Variants in ZAN observed in about 807,000 individuals in gnomAD.
ZAN encodes the protein zonadhesin.
A neutral mutation model predicts 286.2 loss-of-function variants in ZAN; 260 were observed. That is an observed-to-expected ratio of 0.91 (90% CI 0.82 to 1.01). The LOEUF (loss-of-function observed/expected upper bound fraction) is 1.01, where lower values mean the gene tolerates loss of function less well. ZAN is among the 50% of genes least tolerant of loss of function. ZAN has a pLI of 0.00. For synonymous variants in ZAN, 1,368 were observed against 1,417.5 expected (o/e 0.97, Z 0.79); for missense variants, 3,410 against 3,639.2 (o/e 0.94, Z 1.62).
chr7:100,760,611 C>G (rs1156922778), intron 19 of ZAN, 75 bp downstream of exon 19: 1 of 1,554,190 alleles, frequency 6.4e-7, no homozygotes, highest in Non-Finnish European at 8.7e-7. Flanking sequence ...TTCCTGCTGC[C>G]CACCCTGCCC....
At chr7:100,751,611 T>C in intron 13 of ZAN, 101 bp from the exon 14 acceptor site, 1 of 1,316,444 alleles carries the variant, frequency 7.6e-7, no homozygotes, top group East Asian at 2.5e-5. Flanking sequence ...AAGAGAGGTG[T>C]GAATAAGCCA....
rs1311562076 is a variant in ZAN, at chr7:100,765,348, C to T, written c.4268-4C>T. Reference sequence around the variant, plus strand: ...CTTCTCACCCAAGCTTCTCCCTCCACCAGCAATGGCCTGCCCGCCCAACAG... The same window carrying T: ...CTTCTCACCCAAGCTTCTCCCTCCATCAGCAATGGCCTGCCCGCCCAACAG... On this transcript the variant is annotated splice_polypyrimidine_tract_variant and splice_region_variant and intron_variant, in intron 22 of 47. Transcript: ENST00000613979. The T allele has an allele frequency of 2.5e-6, 4 of 1,613,630 alleles. No homozygotes were observed. The highest frequency in any genetic ancestry group is 2.2e-5 in the South Asian group (2 of 90,956).
rs2115928836 is a variant in ZAN at position 100,758,522 on chromosome 7, C to T, written c.3452-9C>T. ...AAGCAGCTTCGCCTGTTCTCCTTCC[C>T]CCTCCCAGCAGGCACTGCCACCTGC... On this transcript the variant is annotated splice_polypyrimidine_tract_variant and intron_variant, in intron 16 of 47. Coordinates refer to ENST00000613979, the MANE Select transcript of ZAN (RefSeq NM_003386.3). 6.4e-7 allele frequency: 1 copy of T among 1,555,972 alleles called. No homozygotes were observed.
chr7:100,748,462 C>G lies in ZAN; in HGVS notation c.1241C>G (p.Pro414Arg), dbSNP rs1490512798. The G allele has an allele frequency of 6.2e-7, 1 of 1,611,476 alleles. No individual in the cohort carries two copies. Among genetic ancestry groups the G allele is most frequent in the East Asian group, 2.2e-5 (1 of 44,822 alleles). ...GGCATGGGCCCTGCGGGAGGTTTCCCTAATGCAGGTGAGGAGATTGAGGAG... is the reference window on the plus strand; with the variant it reads ...GGCATGGGCCCTGCGGGAGGTTTCCGTAATGCAGGTGAGGAGATTGAGGAG... Reference protein sequence around the residue: ...VHGMGPAGGFPNAGGHYIYLE... With the variant: ...VHGMGPAGGFRNAGGHYIYLE... The change falls in exon 11 of 48, where the codon CCT becomes CGT. Residue 414 changes from proline to arginine, a missense_variant. Transcript: ENST00000613979.
rs867001826 is a variant in ZAN at position 100,773,586 on chromosome 7, C to T, written c.5634+93C>T. ...GGAGAGGCAGGAGGAAGGCTCAGAACCTGGGAGGGGCAGGGCTGGCCAAGG... is the reference window on the plus strand; with the variant it reads ...GGAGAGGCAGGAGGAAGGCTCAGAATCTGGGAGGGGCAGGGCTGGCCAAGG... On this transcript the variant is annotated intron_variant, in intron 30 of 47. Coordinates refer to ENST00000613979, the MANE Select transcript of ZAN (RefSeq NM_003386.3). 21 of 1,553,202 alleles carry T rather than the reference C, an allele frequency of 1.4e-5. No individual in the cohort carries two copies. In the Middle Eastern group the frequency reaches 2.0e-3, roughly 151 times the overall value.
At chr7:100,790,092 C>T (rs1267145064) in intron 39 of ZAN, among the ~76,000 whole-genome samples, 2 of 151,562 alleles carry the variant, frequency 1.3e-5, no homozygotes, top group Non-Finnish European at 2.9e-5. Context: ...GATCCCATCT[C>T]TATAAAAAAT....
rs141284150 is a variant in ZAN at position 100,796,565 on chromosome 7, G to A, written c.8267-801G>A. On this transcript the variant is annotated intron_variant, in intron 45 of 47. Coordinates refer to ENST00000613979, the MANE Select transcript of ZAN (RefSeq NM_003386.3). ...CTGAGTAGCTGGGATTACAGGCGCC[G>A]GCCACCACGCCCGGCTATTTTTGTA... 5.3e-3 allele frequency among the ~76,000 whole-genome samples: 810 copies of A among 151,692 alleles called. 47 individuals are homozygous for A. The East Asian group carries it at 0.15, about 27-fold the overall frequency.
chr7:100,760,177 G>A (rs934081414), intron 18 of ZAN, among the ~76,000 whole-genome samples: 3 of 152,118 alleles, frequency 2.0e-5, no homozygotes, highest in African/African-American at 7.2e-5. Flanking sequence ...TTGCACCATT[G>A]CACTCCAGCC....
Position 100,794,193 on chromosome 7 carries a change from A to G in ZAN, c.8060A>G (p.Glu2687Gly). The G allele has an allele frequency of 1.2e-6, 2 of 1,613,918 alleles. No individual in the cohort carries two copies. Among genetic ancestry groups the G allele is most frequent in the Non-Finnish European group, 1.7e-6 (2 of 1,179,862 alleles). ...GCCAGCTCACGGATCCTGCTGTGTG[A>G]GCCCTTCAGCTGCAGAGCGGGGGAG... ...TCASSRILLC[E>G]PFSCRAGEVC... The change falls in exon 44 of 48, where the codon GAG becomes GGG. Residue 2687 changes from glutamate to glycine, a missense_variant. This residue lies in a region of ZAN where 1,289 missense variants were observed against 1,314.3 expected (regional missense o/e 0.98). Transcript: ENST00000613979.
At chr7:100,740,212 T>A (rs1311510176) in intron 7 of ZAN, among the ~76,000 whole-genome samples, 1 of 140,716 alleles carries the variant, frequency 7.1e-6, no homozygotes, top group Non-Finnish European at 1.6e-5. Flanking sequence ...TGAAGGCCAT[T>A]GTCAGGACTG....
intron 17 of ZAN, 145 bp from the exon 18 acceptor site, chr7:100,759,576 T>C: frequency 9.6e-7 from 1 of 1,044,542 alleles, no homozygotes; most frequent in South Asian, 1.8e-5. Context: ...TCTGCTCCTG[T>C]GTGGATCCGG....
At chr7:100,779,326 T>G in intron 34 of ZAN, 120 bp from the exon 35 acceptor site, 5 of 999,422 alleles carry the variant, frequency 5.0e-6, no homozygotes, top group Middle Eastern at 2.2e-4. Context: ...TGCAGTGAGC[T>G]GAGACTGTTG....
rs754703945 is a variant in ZAN, at chr7:100,759,807, G to A, written c.3658G>A (p.Glu1220Lys). Residue 1220 changes from glutamate to lysine, a missense_variant, in exon 18 of 48, where the codon GAG becomes AAG. By Grantham distance (56) the Glu-to-Lys change is moderately conservative. Transcript: ENST00000613979. ...CLSKVYVTLP[E>K]STVTLLKGRR... ...GAGCAAAGTCTACGTGACCCTGCCC[G>A]AGAGCACCGTCACCCTGCTTAAGGG... 12 of 1,611,416 alleles carry A rather than the reference G, an allele frequency of 7.4e-6. No individual in the cohort carries two copies. The East Asian group carries it at 1.3e-4, about 18-fold the overall frequency.
intron 31 of ZAN, among the ~76,000 whole-genome samples, chr7:100,774,312 G>A (rs369212870): frequency 6.6e-6 from 1 of 152,260 alleles, no homozygotes; most frequent in African/African-American, 2.4e-5. Context: ...AGAGGTTGCA[G>A]TGAGCAGAGA....
rs370689057 is a variant in ZAN, at chr7:100,758,300, C to T, written c.3408C>T (p.Thr1136=). 288 of 1,613,310 alleles carry T rather than the reference C, an allele frequency of 1.8e-4. 2 individuals carry two copies. The highest frequency in any genetic ancestry group is 4.4e-5 in the Non-Finnish European group (52 of 1,179,870). The change falls in exon 16 of 48, where the codon ACC becomes ACT. Residue 1136 remains threonine, a synonymous_variant. Coordinates refer to ENST00000613979, the MANE Select transcript of ZAN (RefSeq NM_003386.3). Reference sequence around the variant, plus strand: ...AGATCTCTCAGTGTGGGACACACACCGTGTGCCAGCTTAAGAATGGCCAGT... The same window carrying T: ...AGATCTCTCAGTGTGGGACACACACTGTGTGCCAGCTTAAGAATGGCCAGT... ...ECQISQCGTH[T]VCQLKNGQYG...
In ZAN at chr7:100,776,471, A is replaced by C; in HGVS notation, c.6224A>C (p.Glu2075Ala). 1.9e-6 allele frequency: 3 copies of C among 1,604,186 alleles called. No homozygotes were observed. Among genetic ancestry groups the C allele is most frequent in the Non-Finnish European group, 2.6e-6 (3 of 1,175,316 alleles). ...VCGMCGNFNDEEEDELMMPSD... is the reference protein window; with the variant it reads ...VCGMCGNFNDAEEDELMMPSD... Reference sequence around the variant, plus strand: ...GGCATGTGTGGGAACTTCAATGATGAGGAAGAGGACGAACTAATGATGCCC... The same window carrying C: ...GGCATGTGTGGGAACTTCAATGATGCGGAAGAGGACGAACTAATGATGCCC... The change falls in exon 34 of 48, where the codon GAG (glutamate) becomes GCG (alanine). Residue 2075 changes from glutamate to alanine, a missense_variant. Glu to Ala is a moderately radical substitution (Grantham distance 107). Around this residue, in one of 7 missense-constraint regions of ZAN, gnomAD observed 1,289 missense variants for 1,314.3 expected, o/e 0.98. Coordinates refer to ENST00000613979, the MANE Select transcript of ZAN (RefSeq NM_003386.3).
chr7:100,763,868 C>CG lies in ZAN; in HGVS notation c.4053dup (p.Pro1352AlafsTer15), dbSNP rs763112812. The CG allele has an allele frequency of 1.2e-6, 2 of 1,614,042 alleles. No individual in the cohort carries two copies. Among genetic ancestry groups the CG allele is most frequent in the South Asian group, 2.2e-5 (2 of 91,074 alleles). ...GATTCATCTCTGCAGAGCAGCATGT[C>CG]GGGGCCAGGGTTCTGTGGACGGCTG... is the stretch of plus-strand genomic sequence containing the variant. On this transcript the variant is annotated frameshift_variant, in exon 21 of 48. Coordinates refer to ENST00000613979, the MANE Select transcript of ZAN (RefSeq NM_003386.3). LOFTEE classifies it high-confidence loss of function. The surrounding 1 kb of genome is among the most constrained non-coding windows in gnomAD (Gnocchi z 4.6).
Position 100,771,919 on chromosome 7 carries a change from C to T in ZAN, c.5324C>T (p.Thr1775Ile), listed in dbSNP as rs369059338. The change falls in exon 29 of 48, where the codon ACC becomes ATC. Residue 1775 changes from threonine (T) to isoleucine (I), a missense_variant. Coordinates refer to ENST00000613979, the MANE Select transcript of ZAN (RefSeq NM_003386.3). ...AGTTGCGTGCATGGTCAGTGTGGGA[C>T]CAAGGGCGACACCACAGCCCTGTGC... ...FASCVHGQCG[T>I]KGDTTALCRS... 4.3e-6 allele frequency: 7 copies of T among 1,612,936 alleles called. No homozygotes were observed. The African/African-American group carries it at 9.3e-5, about 22-fold the overall frequency.
intron 36 of ZAN, 48 bp from the exon 37 acceptor site, chr7:100,785,949 G>A (rs762123705): frequency 8.9e-6 from 14 of 1,573,748 alleles, no homozygotes; most frequent in South Asian, 5.7e-5. Context: ...GTGAGCCGCC[G>A]CGCCCAGCCC....
Sources: allele counts gnomAD v4.1 joint callset (sites outside exome capture counted in the v4.1 genomes callset), GRCh38; gene constraint gnomAD v4.1.1; regional missense constraint gnomAD v4.1.1; non-coding constraint Gnocchi (gnomAD v3.1); transcripts MANE v1.5; gene names NCBI Gene and HGNC (gene_info 2026-07-23, HGNC 2026-07-21).